Variants in MDGA2 observed in about 807,000 individuals in gnomAD.
The protein encoded by MDGA2 is MAM domain-containing glycosylphosphatidylinositol anchor protein 2.
In MDGA2, 40 loss-of-function variants were observed where a neutral mutation model predicts 117.8. The observed-to-expected ratio is 0.34, with a 90% CI of 0.26 to 0.44. MDGA2 has a LOEUF of 0.44. Among genes scored for constraint, MDGA2 ranks in the 20% least tolerant of loss-of-function variants. The pLI is 1.00. For missense variants in MDGA2, 1,123 were observed against 1,250.6 expected (o/e 0.90, Z 1.54); for synonymous variants, 452 against 439.0 (o/e 1.03, Z -0.37).
chr14:47,103,496 T>C lies in MDGA2; in HGVS notation c.926-6373A>G, dbSNP rs148203668. On this transcript the variant is annotated intron_variant, in intron 5 of 16. Transcript: ENST00000399232. ...TGACTCTCATGAAGCCCAAGATTGG[T>C]ATCATGCTGGGAAATTCTATTTAAA... Among the ~76,000 whole-genome samples, 10 of 152,364 alleles carry C rather than the reference T, an allele frequency of 6.6e-5. No individual in the cohort carries two copies. In the East Asian group the frequency reaches 1.9e-3, roughly 29 times the overall value.
intron 6 of MDGA2, among the ~76,000 whole-genome samples, chr14:47,063,381 A>G (rs994935333): frequency 2.0e-5 from 3 of 152,040 alleles, no homozygotes; most frequent in African/African-American, 7.2e-5. Flanking sequence ...AAATTAGGAT[A>G]CATTTTGGTA....
intron 8 of MDGA2, chr14:46,996,562 CTTG>C (rs1004276298): frequency 3.9e-5 from 6 of 152,382 alleles, no homozygotes; most frequent in African/African-American, 1.4e-4. Context: ...TTTTGCCATT[CTTG>C]TTGGTGAAAT....
intron 5 of MDGA2, among the ~76,000 whole-genome samples, chr14:47,110,940 C>A (rs985744030): frequency 6.6e-6 from 1 of 152,008 alleles, no homozygotes; most frequent in Non-Finnish European, 1.5e-5. Context: ...TAGAGATGTA[C>A]GTATGTTCTA....
At chr14:47,292,116 T>C (rs1420424100) in intron 2 of MDGA2, among the ~76,000 whole-genome samples, 1 of 150,978 alleles carries the variant, frequency 6.6e-6, no homozygotes, top group Non-Finnish European at 1.5e-5. Context: ...TAAGCTATTA[T>C]ATATCATAAT....
Position 47,329,479 on chromosome 14 carries a change from C to T in MDGA2, c.281-27929G>A, listed in dbSNP as rs751780000. Among the ~76,000 whole-genome samples the T allele has an allele frequency of 3.9e-5, 6 of 152,202 alleles. 1 individual carries two copies. In the East Asian group the frequency reaches 1.2e-3, roughly 29 times the overall value. ...AACGATAGGTGCTCTGCCTGAGTTTCTCAAAGTTGATATTCTTCAAAAGCT... is the reference window on the plus strand; with the variant it reads ...AACGATAGGTGCTCTGCCTGAGTTTTTCAAAGTTGATATTCTTCAAAAGCT... On this transcript the variant is annotated intron_variant, in intron 1 of 16. Transcript: ENST00000399232.
intron 1 of MDGA2, among the ~76,000 whole-genome samples, chr14:47,661,553 A>G (rs1433267238): frequency 2.0e-5 from 3 of 152,190 alleles, no homozygotes; most frequent in Non-Finnish European, 4.4e-5. Context: ...CTCACTTATA[A>G]AGAATAAAAT....
Position 47,296,294 on chromosome 14 carries a change from G to A in MDGA2, c.420+5117C>T, listed in dbSNP as rs531539775. Among the ~76,000 whole-genome samples, 33 of 152,222 alleles carry A rather than the reference G, an allele frequency of 2.2e-4. No homozygotes were observed. The South Asian group carries it at 6.4e-3, about 30-fold the overall frequency. ...GCTAAAGTAGCTACAAAACTCAGAA[G>A]CCAAAAACAATTCATCTTTTAAAAA... On this transcript the variant is annotated intron_variant, in intron 2 of 16. Transcript: ENST00000399232.
intron 10 of MDGA2, among the ~76,000 whole-genome samples, chr14:46,910,567 C>G (rs759965368): frequency 6.6e-6 from 1 of 152,124 alleles, no homozygotes; most frequent in Non-Finnish European, 1.5e-5. Context: ...CCCTCGAAAC[C>G]AGCACAAGGC....
intron 8 of MDGA2, among the ~76,000 whole-genome samples, chr14:46,961,299 AAC>A (rs890721172): frequency 4.6e-5 from 7 of 152,098 alleles, no homozygotes; most frequent in African/African-American, 1.7e-4. Flanking sequence ...CTGTTTAAAT[AAC>A]ACCTCTATTT....
At chr14:47,332,455 C>A (rs762282710) in intron 1 of MDGA2, among the ~76,000 whole-genome samples, 2 of 151,782 alleles carry the variant, frequency 1.3e-5, no homozygotes, top group Admixed American at 6.6e-5. Flanking sequence ...AAAACTATAA[C>A]CCTATCAGAA....
chr14:47,477,272 TAC>T (rs1033073325), intron 1 of MDGA2, among the ~76,000 whole-genome samples: 17 of 152,192 alleles, frequency 1.1e-4, no homozygotes, highest in African/African-American at 3.9e-4. Context: ...ATTCAATAAA[TAC>T]ATTTTTTTTC....
intron 9 of MDGA2, among the ~76,000 whole-genome samples, chr14:46,955,060 T>C (rs1327623884): frequency 2.6e-5 from 4 of 152,076 alleles, no homozygotes; most frequent in Non-Finnish European, 5.9e-5. Context: ...CCCAGATATT[T>C]TGAAGTATTG....
At chr14:46,927,742 G>A (rs894974387) in intron 9 of MDGA2, among the ~76,000 whole-genome samples, 7 of 152,116 alleles carry the variant, frequency 4.6e-5, no homozygotes, top group Non-Finnish European at 8.8e-5. Flanking sequence ...TTTAGTAACA[G>A]CAAATATATT....
At chr14:46,960,746 G>A (rs1490556164) in intron 8 of MDGA2, among the ~76,000 whole-genome samples, 1 of 148,608 alleles carries the variant, frequency 6.7e-6, no homozygotes, top group Admixed American at 6.8e-5. Flanking sequence ...ATGTATATGT[G>A]TATATGCACA....
intron 1 of MDGA2, among the ~76,000 whole-genome samples, chr14:47,443,607 T>G (rs1347346757): frequency 2.0e-5 from 3 of 152,206 alleles, no homozygotes; most frequent in Admixed American, 6.6e-5. Flanking sequence ...TGCATTTATG[T>G]TGTATTTTGT....
At chr14:46,870,062 G>T (rs1305877463) in intron 14 of MDGA2, among the ~76,000 whole-genome samples, 1 of 151,962 alleles carries the variant, frequency 6.6e-6, no homozygotes, top group Non-Finnish European at 1.5e-5. Context: ...AGCTATACTT[G>T]TATTGACCCA....
rs544259710 is a variant in MDGA2 at position 47,135,129 on chromosome 14, T to C, written c.793-3283A>G. ...CTTGTTAAAATTTAATAAACCTTTCTTTTGTATGCTTCCATACTTCTCTGC... is the reference window on the plus strand; with the variant it reads ...CTTGTTAAAATTTAATAAACCTTTCCTTTGTATGCTTCCATACTTCTCTGC... On this transcript the variant is annotated intron_variant, in intron 4 of 16. Coordinates refer to ENST00000399232, the MANE Select transcript of MDGA2 (RefSeq NM_001113498.3). Among the ~76,000 whole-genome samples, 11 of 152,180 alleles carry C rather than the reference T, an allele frequency of 7.2e-5. No individual in the cohort carries two copies. In the South Asian group the frequency reaches 1.9e-3, roughly 26 times the overall value.
chr14:47,648,286 G>C lies in MDGA2; in HGVS notation c.280+26231C>G, dbSNP rs183780050. Among the ~76,000 whole-genome samples the C allele has an allele frequency of 2.2e-3, 337 of 152,120 alleles. 2 individuals carry two copies. Among genetic ancestry groups the C allele is most frequent in the Admixed American group, 6.4e-3 (98 of 15,280 alleles). Reference sequence around the variant, plus strand: ...GACTTAACCTCTTCCTCTGAATTTTGGGATACTATTAAAGAAGTATGTTGA... The same window carrying C: ...GACTTAACCTCTTCCTCTGAATTTTCGGATACTATTAAAGAAGTATGTTGA... On this transcript the variant is annotated intron_variant, in intron 1 of 16. Transcript: ENST00000399232.
intron 7 of MDGA2, among the ~76,000 whole-genome samples, chr14:47,050,994 T>G (rs1206468551): frequency 6.6e-6 from 1 of 151,966 alleles, no homozygotes; most frequent in Non-Finnish European, 1.5e-5. Flanking sequence ...CTGAATCACT[T>G]CTAGAATATT....
Sources: gnomAD v4.1 joint callset for allele counts (sites outside exome capture counted in the v4.1 genomes callset) on GRCh38, gnomAD v4.1.1 for gene constraint, MANE v1.5 for transcripts, NCBI Gene and HGNC (gene_info 2026-07-23, HGNC 2026-07-21) for gene names.